Variants in INPP5B observed in about 807,000 individuals in gnomAD.
The protein encoded by INPP5B is type II inositol 1,4,5-trisphosphate 5-phosphatase.
In INPP5B, 90 loss-of-function variants were observed where a neutral mutation model predicts 118.5. The ratio of observed to expected loss-of-function variants is 0.76; its 90% confidence interval spans 0.64 to 0.90. The LOEUF (loss-of-function observed/expected upper bound fraction) is 0.90, where lower values mean the gene tolerates loss of function less well. Ranked by LOEUF, INPP5B falls within the 40% of genes least tolerant of loss-of-function variation. INPP5B has a pLI of 0.00. For missense variants in INPP5B, 984 were observed against 1,125.6 expected, an observed-to-expected ratio of 0.87 and a Z score of 1.80; for synonymous variants, 385 against 418.9, an observed-to-expected ratio of 0.92 and a Z score of 0.99.
chr1:37,923,156 C>A (rs1329251730), intron 7 of INPP5B, among the ~76,000 whole-genome samples: 2 of 152,170 alleles, frequency 1.3e-5, no homozygotes, highest in East Asian at 3.8e-4. Context: ...CAGAGACAGA[C>A]ATTTTTTGAG....
At chr1:37,884,002 G>GA in intron 13 of INPP5B, 1 of 286,950 alleles carries the variant, frequency 3.5e-6, no homozygotes, top group Non-Finnish European at 5.2e-6. Flanking sequence ...GATGCTCTCA[G>GA]AAGCTGCAAC....
rs560440196 is a variant in INPP5B at position 37,935,277 on chromosome 1, T to C, written c.392-3224A>G. 3.7e-4 allele frequency among the ~76,000 whole-genome samples: 54 copies of C among 146,374 alleles called. No individual in the cohort carries two copies. In the South Asian group the frequency reaches 5.6e-3, roughly 15 times the overall value. On this transcript the variant is annotated intron_variant, in intron 6 of 23. Transcript: ENST00000373024. ...CACGATCTCGGCTCACTGCAACCTC[T>C]GCCTCCCGGGTTCAAGCGATTCTCC...
rs138779351 is a variant in INPP5B at position 37,877,969 on chromosome 1, G to T, written c.1677+219C>A. On this transcript the variant is annotated intron_variant, in intron 16 of 23. Coordinates refer to ENST00000373024, the MANE Select transcript of INPP5B (RefSeq NM_005540.3). ...ATAGAGAAAGGTCTGCAAAGAGACA[G>T]TTCAAAAATGCAAAAGGGAACTTCC... is the stretch of plus-strand genomic sequence containing the variant. 3.7e-3 allele frequency among the ~76,000 whole-genome samples: 571 copies of T among 152,324 alleles called. 6 individuals are homozygous for T. The highest frequency in any genetic ancestry group is 0.026 in the South Asian group (126 of 4,826).
Position 37,887,272 on chromosome 1 carries a change from C to T in INPP5B, c.1014+79G>A, listed in dbSNP as rs1643598576. Reference sequence around the variant, plus strand: ...ATTAAGACTGGCTTAAGATAAAGGTCATGGAAAAGGTGAAAAATGATCTTG... The same window carrying T: ...ATTAAGACTGGCTTAAGATAAAGGTTATGGAAAAGGTGAAAAATGATCTTG... On this transcript the variant is annotated intron_variant, in intron 11 of 23. Transcript: ENST00000373024. 4.5e-5 allele frequency: 42 copies of T among 935,968 alleles called. No homozygotes were observed. The South Asian group carries it at 5.4e-4, about 12-fold the overall frequency. The allele number at this position is 935,968 out of a possible 1,614,324, so 58.0% of individuals were successfully genotyped here.
intron 4 of INPP5B, 53 bp downstream of exon 4, chr1:37,943,743 T>C: frequency 6.2e-7 from 1 of 1,611,356 alleles, no homozygotes; most frequent in Non-Finnish European, 8.5e-7. Context: ...AGGACAAAGA[T>C]GAGCTGGGGG....
chr1:37,927,682 G>A lies in INPP5B; in HGVS notation c.532+4231C>T, dbSNP rs932715192. Among the ~76,000 whole-genome samples the A allele has an allele frequency of 1.1e-4, 17 of 151,716 alleles. No individual in the cohort carries two copies. The East Asian group carries it at 3.1e-3, about 28-fold the overall frequency. On this transcript the variant is annotated intron_variant, in intron 7 of 23. Transcript: ENST00000373024. Reference sequence around the variant, plus strand: ...CTCCCGAGTAGCTGGGACTACAGGCGCCCACCACCATGCCCGGCTAATTTT... The same window carrying A: ...CTCCCGAGTAGCTGGGACTACAGGCACCCACCACCATGCCCGGCTAATTTT...
intron 19 of INPP5B, 82 bp downstream of exon 19, chr1:37,872,848 G>A: frequency 9.8e-7 from 1 of 1,020,482 alleles, no homozygotes; most frequent in South Asian, 1.4e-5. Context: ...TAAGTCCCTA[G>A]GAAGGTAGGC....
chr1:37,888,576 A>G (rs537243318), intron 9 of INPP5B, among the ~76,000 whole-genome samples: 2 of 152,308 alleles, frequency 1.3e-5, no homozygotes, highest in African/African-American at 4.8e-5. Flanking sequence ...CCTACTCCGA[A>G]CATTCCCACT....
At chr1:37,899,008 C>A (rs972816771) in intron 7 of INPP5B, among the ~76,000 whole-genome samples, 11 of 151,682 alleles carry the variant, frequency 7.3e-5, no homozygotes, top group Non-Finnish European at 1.6e-4. Flanking sequence ...ATGGAGAAAC[C>A]CCATCTCTAC....
At chr1:37,871,190 G>A (rs1485455726) in intron 19 of INPP5B, among the ~76,000 whole-genome samples, 1 of 149,594 alleles carries the variant, frequency 6.7e-6, no homozygotes, top group African/African-American at 2.5e-5. Context: ...GGGCGCAGTG[G>A]CTCATGCTTG....
intron 8 of INPP5B, among the ~76,000 whole-genome samples, chr1:37,890,825 C>T (rs1329357210): frequency 2.6e-5 from 4 of 152,126 alleles, no homozygotes; most frequent in Non-Finnish European, 5.9e-5. Context: ...ACCTGAGTTT[C>T]CCTAACTGTA....
chr1:37,862,474 G>T (rs1298587324), intron 23 of INPP5B, 44 bp from the exon 24 acceptor site: 1 of 1,256,740 alleles, frequency 8.0e-7, no homozygotes, highest in Non-Finnish European at 1.2e-6. Context: ...GCAAAAGAAG[G>T]TACTAAAGAC....
Position 37,891,364 on chromosome 1 carries a change from T to C in INPP5B, c.623A>G (p.Gln208Arg). 1 of 1,613,288 alleles carries C rather than the reference T, an allele frequency of 6.2e-7. No individual in the cohort carries two copies. ...GAAGGGAGAGTTGCATTACCTTGGT[T>C]GCAAGCTTTCTGGTTTATCTTGACC... ...SRGQDKPESL[Q>R]PRQNKSKSEI... Residue 208 changes from glutamine (Q) to arginine (R), a missense_variant, in exon 8 of 24, where the codon CAA (glutamine) becomes CGA (arginine). Gln to Arg is a conservative substitution (Grantham distance 43, BLOSUM62 1). Transcript: ENST00000373024.
intron 7 of INPP5B, among the ~76,000 whole-genome samples, chr1:37,909,315 C>G (rs1644605892): frequency 6.6e-6 from 1 of 152,098 alleles, no homozygotes; most frequent in African/African-American, 2.4e-5. Flanking sequence ...CTACCCTCCT[C>G]CCCAGGCTGC....
At chr1:37,883,333 C>T in intron 13 of INPP5B, 1 of 985,458 alleles carries the variant, frequency 1.0e-6, no homozygotes, top group Non-Finnish European at 1.2e-6. Flanking sequence ...ACCCACAAAA[C>T]ACACTCTCAG....
At chr1:37,866,400 T>TCACA (rs1192589112) in intron 21 of INPP5B, 59 bp downstream of exon 21, 64 of 686,156 alleles carry the variant, frequency 9.3e-5, no homozygotes, top group Admixed American at 3.0e-4. Context: ...TCTCTCTCTC[T>TCACA]CTCTCTCACA....
intron 8 of INPP5B, 63 bp downstream of exon 8, chr1:37,891,295 G>T: frequency 8.6e-7 from 1 of 1,164,540 alleles, no homozygotes; most frequent in Non-Finnish European, 1.3e-6. Flanking sequence ...ACCCAAAATG[G>T]TCTCAGTACT....
chr1:37,926,612 TA>T (rs899311915), intron 7 of INPP5B, among the ~76,000 whole-genome samples: 3 of 151,244 alleles, frequency 2.0e-5, no homozygotes, highest in East Asian at 1.9e-4. Context: ...AACTTTGGAT[TA>T]AAAAAAAACA....
At chr1:37,869,149 C>G (rs897129203) in intron 19 of INPP5B, among the ~76,000 whole-genome samples, 1 of 151,748 alleles carries the variant, frequency 6.6e-6, no homozygotes, top group Admixed American at 6.6e-5. Flanking sequence ...TGTGCCATCA[C>G]GCCCGGCTAA....
Sources: allele counts gnomAD v4.1 joint callset (sites outside exome capture counted in the v4.1 genomes callset), GRCh38; gene constraint gnomAD v4.1.1; transcripts MANE v1.5; gene names NCBI Gene and HGNC (gene_info 2026-07-23, HGNC 2026-07-21).